Variants in NR5A2 observed in about 807,000 individuals in gnomAD.
NR5A2 encodes CYP7A promoter-binding factor.
Under a neutral mutation model 62.7 loss-of-function variants are expected in NR5A2, and 26 were observed. The observed-to-expected ratio is 0.41, with a 90% CI of 0.30 to 0.58. The LOEUF is 0.58. Among genes scored for constraint, NR5A2 ranks in the 20% least tolerant of loss-of-function variants. The pLI is 0.22. For synonymous variants in NR5A2, 246 were observed against 241.7 expected, an observed-to-expected ratio of 1.02 and a Z score of -0.16; for missense variants, 541 against 669.1, an observed-to-expected ratio of 0.81 and a Z score of 2.11.
intron 5 of NR5A2, among the ~76,000 whole-genome samples, chr1:200,050,397 G>T (rs1278420190): frequency 2.6e-5 from 4 of 152,174 alleles, no homozygotes; most frequent in Non-Finnish European, 5.9e-5. Context: ...TCATAGGCAG[G>T]TTGTTAGATT....
chr1:200,121,296 G>A (rs1666471357), intron 7 of NR5A2, among the ~76,000 whole-genome samples: 1 of 152,100 alleles, frequency 6.6e-6, no homozygotes, highest in Non-Finnish European at 1.5e-5. Flanking sequence ...TCAAATTTTA[G>A]CCATCTTTCT....
intron 5 of NR5A2, among the ~76,000 whole-genome samples, chr1:200,086,429 G>A (rs1281976182): frequency 6.6e-6 from 1 of 151,900 alleles, no homozygotes; most frequent in Non-Finnish European, 1.5e-5. Context: ...TCAGCTTCCC[G>A]AGTAGCTGGG....
intron 5 of NR5A2, chr1:200,058,533 T>G (rs961603764): frequency 6.6e-6 from 1 of 151,966 alleles, no homozygotes; most frequent in Non-Finnish European, 1.5e-5. Context: ...CGGGCTGGAA[T>G]GCAGTGTCGC....
chr1:200,081,320 A>G (rs899541068), intron 5 of NR5A2, among the ~76,000 whole-genome samples: 5 of 152,230 alleles, frequency 3.3e-5, no homozygotes, highest in African/African-American at 7.2e-5. Context: ...TCATGTTTGA[A>G]AAGTTACCAA....
chr1:200,075,886 GTTTTC>G (rs71132656), intron 5 of NR5A2, among the ~76,000 whole-genome samples: 7 of 150,256 alleles, frequency 4.7e-5, no homozygotes, highest in Non-Finnish European at 7.4e-5. Flanking sequence ...AAGCTCTTCT[GTTTTC>G]TTTTCTTTTT....
intron 5 of NR5A2, among the ~76,000 whole-genome samples, chr1:200,073,263 C>T (rs1232355999): frequency 1.7e-5 from 1 of 58,296 alleles, no homozygotes; most frequent in Non-Finnish European, 3.1e-5. Context: ...TATATATATT[C>T]CCCTTTATAT....
At chr1:200,054,689 T>C (rs967865326) in intron 5 of NR5A2, among the ~76,000 whole-genome samples, 3 of 152,234 alleles carry the variant, frequency 2.0e-5, no homozygotes, top group Admixed American at 6.5e-5. Context: ...TATAGCTTTA[T>C]CTAAAGCGAG....
At chr1:200,087,005 C>T (rs1397548718) in intron 5 of NR5A2, among the ~76,000 whole-genome samples, 1 of 152,142 alleles carries the variant, frequency 6.6e-6, no homozygotes, top group Non-Finnish European at 1.5e-5. Flanking sequence ...TGCCACTGCA[C>T]TCCAGCCTGG....
chr1:200,043,593 T>C lies in NR5A2; in HGVS notation c.203-181T>C, dbSNP rs75784279. ...GGAATTATATGAGGTCCATGCTTAT[T>C]GATGACAAAAGATGTTTTACTTGTA... On this transcript the variant is annotated intron_variant, in intron 2 of 7. Transcript: ENST00000367362. 2.7e-3 allele frequency among the ~76,000 whole-genome samples: 418 copies of C among 152,352 alleles called. 2 individuals carry two copies. Among genetic ancestry groups the C allele is most frequent in the African/African-American group, 9.8e-3 (407 of 41,578 alleles).
chr1:200,123,118 T>C (rs745737626), intron 7 of NR5A2, among the ~76,000 whole-genome samples: 1 of 151,974 alleles, frequency 6.6e-6, no homozygotes, highest in Non-Finnish European at 1.5e-5. Context: ...GAGCCTCGAG[T>C]CCCCTGAGTC....
chr1:200,083,880 G>A (rs1282071487), intron 5 of NR5A2, among the ~76,000 whole-genome samples: 3 of 151,738 alleles, frequency 2.0e-5, no homozygotes, highest in South Asian at 2.1e-4. Context: ...CAGGAGAATC[G>A]CTTGAACCTG....
At chr1:200,164,709 G>A (rs150093547) in intron 7 of NR5A2, among the ~76,000 whole-genome samples, 4 of 147,274 alleles carry the variant, frequency 2.7e-5, no homozygotes, top group African/African-American at 7.5e-5. Flanking sequence ...CACCACACCC[G>A]GCTAATTTTT....
At chr1:200,084,460 A>G (rs907413174) in intron 5 of NR5A2, among the ~76,000 whole-genome samples, 3 of 152,312 alleles carry the variant, frequency 2.0e-5, no homozygotes, top group Non-Finnish European at 4.4e-5. Flanking sequence ...TAGTTTTTTA[A>G]AGGTAGATTT....
chr1:200,148,662 TTAAA>T, intron 7 of NR5A2, among the ~76,000 whole-genome samples: 1 of 152,332 alleles, frequency 6.6e-6, no homozygotes, highest in Non-Finnish European at 1.5e-5. Context: ...AAAAAAACTT[TTAAA>T]TAAAAATCTC....
chr1:200,113,900 G>A (rs141075030), intron 6 of NR5A2, among the ~76,000 whole-genome samples: 537 of 152,268 alleles, frequency 3.5e-3, no homozygotes, highest in Non-Finnish European at 6.0e-3. Flanking sequence ...AAGAAAAGAG[G>A]CCGGGCACAG....
At chr1:200,133,131 C>G (rs1258822080) in intron 7 of NR5A2, among the ~76,000 whole-genome samples, 1 of 152,172 alleles carries the variant, frequency 6.6e-6, no homozygotes, top group Non-Finnish European at 1.5e-5. Context: ...ATTAGACTTA[C>G]TATTTCTTGG....
chr1:200,046,672 G>C, intron 4 of NR5A2, among the ~76,000 whole-genome samples: 1 of 152,090 alleles, frequency 6.6e-6, no homozygotes, highest in African/African-American at 2.4e-5. Context: ...ATCATGAAAG[G>C]AAATAATTGA....
intron 5 of NR5A2, among the ~76,000 whole-genome samples, chr1:200,095,697 C>A (rs1019566658): frequency 1.8e-4 from 26 of 144,608 alleles, no homozygotes; most frequent in Non-Finnish European, 3.9e-4. Context: ...GGACTACAGG[C>A]ACCCGCCACC....
chr1:200,033,665 C>G (rs933484985), intron 1 of NR5A2, among the ~76,000 whole-genome samples: 3 of 151,994 alleles, frequency 2.0e-5, no homozygotes, highest in Non-Finnish European at 4.4e-5. Flanking sequence ...CTGGAGAAAA[C>G]AAGTGAATCT....
Sources: allele counts gnomAD v4.1 joint callset (sites outside exome capture counted in the v4.1 genomes callset), GRCh38; gene constraint gnomAD v4.1.1; transcripts MANE v1.5; gene names NCBI Gene and HGNC (gene_info 2026-07-23, HGNC 2026-07-21).